The following GFRAL variants were observed in gnomAD, a reference collection of about 807,000 sequenced individuals.
GFRAL encodes GDNF family receptor alpha like, also known as GDNF family receptor alpha-like.
GFRAL carries 36 observed loss-of-function variants against 45.4 expected under a neutral mutation model. That is an observed-to-expected ratio of 0.79 (90% CI 0.61 to 1.05). GFRAL has a LOEUF of 1.05. Ranked by LOEUF, GFRAL falls within the 50% of genes least tolerant of loss-of-function variation. The probability of loss-of-function intolerance (pLI) is 0.00; values close to 1 mark genes in which losing one functional copy is unlikely to be tolerated. For synonymous variants in GFRAL, 166 were observed against 154.1 expected (o/e 1.08, Z -0.57); for missense variants, 507 against 467.5 (o/e 1.08, Z -0.78).
chr6:55,363,223 G>T (rs560179468), intron 6 of GFRAL, among the ~76,000 whole-genome samples: 14 of 151,892 alleles, frequency 9.2e-5, no homozygotes, highest in African/African-American at 3.4e-4. Flanking sequence ...TCATAAGGTT[G>T]GTGTATATTC....
intron 5 of GFRAL, among the ~76,000 whole-genome samples, chr6:55,352,960 T>C (rs2127355742): frequency 6.6e-6 from 1 of 152,198 alleles, no homozygotes; most frequent in African/African-American, 2.4e-5. Flanking sequence ...AAAATGTATG[T>C]GTTGTTTTAA....
intron 6 of GFRAL, among the ~76,000 whole-genome samples, chr6:55,395,605 GAT>G (rs1267378727): frequency 6.6e-6 from 1 of 151,718 alleles, no homozygotes; most frequent in African/African-American, 2.4e-5. Flanking sequence ...TGCAGTTTGT[GAT>G]ATGTTAAATC....
intron 6 of GFRAL, among the ~76,000 whole-genome samples, chr6:55,386,099 T>G (rs1184164235): frequency 1.3e-5 from 2 of 152,122 alleles, no homozygotes; most frequent in Admixed American, 1.3e-4. Flanking sequence ...CCTGTATTAT[T>G]TCTTTCTTTG....
At chr6:55,331,640 C>T (rs1767830596) in intron 1 of GFRAL, 75 bp from the exon 2 acceptor site, 1 of 1,374,094 alleles carries the variant, frequency 7.3e-7, no homozygotes, top group Non-Finnish European at 1.0e-6. Context: ...TGCTCTTTAT[C>T]ATTAATAACT....
At chr6:55,380,655 C>T (rs768303957) in intron 6 of GFRAL, among the ~76,000 whole-genome samples, 1 of 151,914 alleles carries the variant, frequency 6.6e-6, no homozygotes, top group African/African-American at 2.4e-5. Context: ...AAAGTCTGTG[C>T]TCAGAAGGGA....
intron 5 of GFRAL, among the ~76,000 whole-genome samples, chr6:55,355,527 C>T (rs4715532): frequency 0.11 from 17,319 of 151,890 alleles, 1,113 homozygotes; most frequent in African/African-American, 0.17. Flanking sequence ...TTTCAGATTG[C>T]TTGCTGTTAG....
intron 6 of GFRAL, among the ~76,000 whole-genome samples, chr6:55,359,641 G>A (rs1768246928): frequency 6.6e-6 from 1 of 151,932 alleles, no homozygotes; most frequent in Non-Finnish European, 1.5e-5. Context: ...TTTGGTCCAA[G>A]GTGGTATTAG....
intron 3 of GFRAL, among the ~76,000 whole-genome samples, chr6:55,349,787 C>G (rs907144380): frequency 6.8e-6 from 1 of 147,252 alleles, no homozygotes; most frequent in African/African-American, 2.5e-5. Context: ...TTTCCCCAGT[C>G]AGCATCCAAT....
chr6:55,336,664 G>T (rs1016933771), intron 3 of GFRAL, among the ~76,000 whole-genome samples: 2 of 151,970 alleles, frequency 1.3e-5, no homozygotes, highest in Non-Finnish European at 2.9e-5. Context: ...AAATATTCTT[G>T]TCATCTATAA....
At chr6:55,351,619 C>A in intron 5 of GFRAL, 36 bp downstream of exon 5, 1 of 1,487,934 alleles carries the variant, frequency 6.7e-7, no homozygotes, top group Non-Finnish European at 9.2e-7. Flanking sequence ...TTTCTTATTT[C>A]GGCACCTTAT....
At chr6:55,357,797 A>G (rs965634312) in intron 5 of GFRAL, among the ~76,000 whole-genome samples, 5 of 151,722 alleles carry the variant, frequency 3.3e-5, no homozygotes, top group Admixed American at 2.6e-4. Context: ...CTACTTATGT[A>G]TAAGTAGATA....
intron 5 of GFRAL, among the ~76,000 whole-genome samples, chr6:55,356,876 T>C (rs2127356687): frequency 6.6e-6 from 1 of 151,932 alleles, no homozygotes; most frequent in South Asian, 2.1e-4. Context: ...ATCCCACAGG[T>C]TTTGGTATGT....
intron 6 of GFRAL, among the ~76,000 whole-genome samples, chr6:55,367,721 G>T (rs1768384923): frequency 6.6e-6 from 1 of 150,392 alleles, no homozygotes; most frequent in Non-Finnish European, 1.5e-5. Flanking sequence ...GGCTGGATAT[G>T]AAATTCTGGG....
intron 3 of GFRAL, among the ~76,000 whole-genome samples, chr6:55,345,773 G>A (rs185547402): frequency 3.9e-5 from 6 of 152,118 alleles, no homozygotes; most frequent in Admixed American, 3.3e-4. Flanking sequence ...CAGAATGGGA[G>A]AAAATTTTTG....
intron 6 of GFRAL, among the ~76,000 whole-genome samples, chr6:55,383,145 C>A (rs1040975057): frequency 1.3e-5 from 2 of 151,758 alleles, no homozygotes; most frequent in African/African-American, 4.8e-5. Context: ...AGTTAAAATC[C>A]AGATTCTGAT....
intron 3 of GFRAL, among the ~76,000 whole-genome samples, chr6:55,344,568 A>G (rs981256527): frequency 6.6e-6 from 1 of 152,162 alleles, no homozygotes; most frequent in Non-Finnish European, 1.5e-5. Context: ...TTTATGACAA[A>G]CCCACAGTCA....
chr6:55,367,877 T>G (rs535994669), intron 6 of GFRAL, among the ~76,000 whole-genome samples: 28 of 151,592 alleles, frequency 1.8e-4, no homozygotes, highest in African/African-American at 6.1e-4. Flanking sequence ...CCTTAACATT[T>G]TTTCCTTCAT....
intron 5 of GFRAL, among the ~76,000 whole-genome samples, chr6:55,355,524 T>A (rs1468903920): frequency 6.6e-6 from 1 of 152,040 alleles, no homozygotes; most frequent in Non-Finnish European, 1.5e-5. Flanking sequence ...GTTTTTCAGA[T>A]TGCTTGCTGT....
At chr6:55,348,595 A>T (rs115505999) in intron 3 of GFRAL, among the ~76,000 whole-genome samples, 2 of 151,966 alleles carry the variant, frequency 1.3e-5, no homozygotes. Flanking sequence ...AGCCAGCCAC[A>T]TTTTCCCTGC....
Sources: allele counts gnomAD v4.1 joint callset (sites outside exome capture counted in the v4.1 genomes callset), GRCh38; gene constraint gnomAD v4.1.1; transcripts MANE v1.5; gene names NCBI Gene and HGNC (gene_info 2026-07-23, HGNC 2026-07-21).